Variants in FPGT observed in about 807,000 individuals in gnomAD.
FPGT encodes the protein fucose-1-phosphate guanylyltransferase, also known as GDP-L-fucose diphosphorylase.
In FPGT, 41 loss-of-function variants were observed where a neutral mutation model predicts 45.8. That is an observed-to-expected ratio of 0.90 (90% CI 0.70 to 1.16). FPGT has a LOEUF of 1.16. Ranked by LOEUF, FPGT falls within the 50% of genes most tolerant of loss-of-function variation. FPGT has a pLI of 0.00. For synonymous variants in FPGT, 292 were observed against 247.2 expected (o/e 1.18, Z -1.70); for missense variants, 755 against 689.1 (o/e 1.10, Z -1.07).
At chr1:74,200,385 T>C (rs1243462530) in intron 2 of FPGT, among the ~76,000 whole-genome samples, 2 of 152,158 alleles carry the variant, frequency 1.3e-5, no homozygotes, top group Admixed American at 6.5e-5. Context: ...TGAAGCCCCC[T>C]GATACCAGAG....
At position 74,199,664 on chromosome 1, in the gene FPGT, G is replaced by A; in HGVS notation, c.83G>A (p.Gly28Asp). 6.2e-7 allele frequency: 1 copy of A among 1,602,074 alleles called. No homozygotes were observed. The highest frequency in any genetic ancestry group is 1.7e-5 in the Admixed American group (1 of 57,192). ...RKLRRFSELR[G>D]KLVARGEFWD... ...TCATTTCCTTGCTTTTTCCAAATAG[G>A]CAAACTTGTAGCACGTGGAGAATTC... The change falls in exon 2 of 4, where the codon GGC becomes GAC. Residue 28 changes from glycine (G) to aspartate (D), a missense_variant and splice_region_variant. Gly to Asp is a moderately conservative substitution (Grantham distance 94, BLOSUM62 -1). Transcript: ENST00000370898.
Position 74,198,273 on chromosome 1 carries a change from G to A in FPGT, c.-6G>A. On this transcript the variant is annotated 5_prime_UTR_variant, in exon 1 of 4. Coordinates refer to ENST00000370898, the MANE Select transcript of FPGT (RefSeq NM_003838.5). The stretch of plus-strand genomic sequence containing the variant: ...TGTGCGGCGCGGTCTCAGGGAAGGT[G>A]GGGCTATGGCAGCTGCTAGGGACCC... 1.2e-6 allele frequency: 2 copies of A among 1,613,674 alleles called. No homozygotes were observed. Among genetic ancestry groups the A allele is most frequent in the Non-Finnish European group, 8.5e-7 (1 of 1,179,788 alleles).
chr1:74,198,808 T>C (rs1189067148), intron 1 of FPGT, among the ~76,000 whole-genome samples: 3 of 125,262 alleles, frequency 2.4e-5, no homozygotes, highest in East Asian at 7.6e-4. Context: ...GGAGGAATTA[T>C]GGATTAAAAA....
At chr1:74,203,438 G>C (rs1433043115) in intron 3 of FPGT, among the ~76,000 whole-genome samples, 2 of 151,622 alleles carry the variant, frequency 1.3e-5, no homozygotes, top group African/African-American at 4.9e-5. Context: ...GCCCAGGCTG[G>C]AGTGCAGTGG....
In FPGT at chr1:74,208,179, G is replaced by A. The variant is rs141714515; in HGVS notation, c.*2347G>A. Among the ~76,000 whole-genome samples the A allele has an allele frequency of 3.1e-3, 468 of 150,576 alleles. 2 individuals are homozygous for A. Among genetic ancestry groups the A allele is most frequent in the African/African-American group, 0.011 (459 of 40,996 alleles). On this transcript the variant is annotated 3_prime_UTR_variant, in exon 4 of 4. Transcript: ENST00000370898. ...TGTCGAAATGTGGATAAAAAAAGAT[G>A]AATTAGGAATGATTCTAACCTAAGT...
intron 1 of FPGT, among the ~76,000 whole-genome samples, chr1:74,198,727 C>G (rs1262118935): frequency 5.3e-5 from 8 of 152,168 alleles, no homozygotes; most frequent in Non-Finnish European, 1.2e-4. Context: ...AGCCCCCTAT[C>G]TACTTCACGC....
At position 74,205,765 on chromosome 1, in the gene FPGT, T is replaced by C. The variant is rs1217496189; in HGVS notation, c.1718T>C (p.Val573Ala). The stretch of plus-strand genomic sequence containing the variant: ...GAAGAAATGCTTATCTACAAAGATG[T>C]AGAAGATATGATAACTTACAGGGAA... ...SIEEMLIYKD[V>A]EDMITYREQI... Residue 573 changes from valine (V) to alanine (A), a missense_variant, in exon 4 of 4, where the codon GTA (valine) becomes GCA (alanine). By Grantham distance (64) the Val-to-Ala change is moderately conservative. Transcript: ENST00000370898. The C allele has an allele frequency of 1.3e-6, 2 of 1,593,836 alleles. No individual in the cohort carries two copies. Among genetic ancestry groups the C allele is most frequent in the Non-Finnish European group, 1.7e-6 (2 of 1,162,070 alleles).
intron 3 of FPGT, among the ~76,000 whole-genome samples, chr1:74,201,902 C>G (rs1651838572): frequency 6.6e-6 from 1 of 152,150 alleles, no homozygotes; most frequent in Non-Finnish European, 1.5e-5. Flanking sequence ...CACTCTTTCT[C>G]CCTTAATGGG....
chr1:74,203,794 C>T (rs1652023115), intron 3 of FPGT, among the ~76,000 whole-genome samples: 1 of 151,918 alleles, frequency 6.6e-6, no homozygotes, highest in Non-Finnish European at 1.5e-5. Flanking sequence ...GTAATCCCAG[C>T]ACTTTGGGAG....
In FPGT at chr1:74,205,323, C is replaced by G. The variant is rs1482457310; in HGVS notation, c.1276C>G (p.Pro426Ala). Residue 426 changes from proline (P) to alanine (A), a missense_variant, in exon 4 of 4, where the codon CCT (proline) becomes GCT (alanine). Physicochemically the swap from Pro to Ala is conservative, Grantham distance 27. Transcript: ENST00000370898. ...AGTTGTGGAGTATTCCAGATTGGGG[C>G]CTGATGTTTCAGTTGGGGAAAACTG... ...GSVVEYSRLG[P>A]DVSVGENCII... 5.0e-6 allele frequency: 8 copies of G among 1,613,918 alleles called. No homozygotes were observed. Among genetic ancestry groups the G allele is most frequent in the Non-Finnish European group, 6.8e-6 (8 of 1,179,978 alleles).
In FPGT at chr1:74,205,035, T is replaced by C; in HGVS notation, c.988T>C (p.Leu330=). ...AAATGTCATTAAAGAAGAGTCAGAG[T>C]TGGTAGAAATGAGGCAGAGAATATT... is the stretch of plus-strand genomic sequence containing the variant. ...TSNVIKEESE[L]VEMRQRIFHL... Residue 330 remains leucine (L), a synonymous_variant, in exon 4 of 4, where the codon TTG becomes CTG. Coordinates refer to ENST00000370898, the MANE Select transcript of FPGT (RefSeq NM_003838.5). 1 of 1,613,476 alleles carries C rather than the reference T, an allele frequency of 6.2e-7. No homozygotes were observed. The highest frequency in any genetic ancestry group is 8.5e-7 in the Non-Finnish European group (1 of 1,179,696).
intron 3 of FPGT, among the ~76,000 whole-genome samples, chr1:74,202,485 A>C (rs1651886518): frequency 6.6e-6 from 1 of 152,210 alleles, no homozygotes; most frequent in Non-Finnish European, 1.5e-5. Context: ...ATTAGATACC[A>C]GGAAATGCAT....
intron 3 of FPGT, among the ~76,000 whole-genome samples, chr1:74,203,581 T>C (rs1570316110): frequency 6.6e-6 from 1 of 151,776 alleles, no homozygotes; most frequent in East Asian, 2.0e-4. Context: ...TTAGTAGAGA[T>C]GGGGTTTCAC....
At chr1:74,202,882 C>T (rs2100772834) in intron 3 of FPGT, among the ~76,000 whole-genome samples, 2 of 152,242 alleles carry the variant, frequency 1.3e-5, no homozygotes, top group East Asian at 1.9e-4. Context: ...CTTAGGCCTA[C>T]ACTGGGTCAG....
Position 74,206,187 on chromosome 1 carries a change from C to T in FPGT, c.*355C>T, listed in dbSNP as rs1245102071. ...TTGGTCCAGTGAAGTTCTAAGTATTCACTGGCACTTCTCTCCTCAACTGTA... is the reference window on the plus strand; with the variant it reads ...TTGGTCCAGTGAAGTTCTAAGTATTTACTGGCACTTCTCTCCTCAACTGTA... On this transcript the variant is annotated 3_prime_UTR_variant, in exon 4 of 4. Transcript: ENST00000370898. The T allele has an allele frequency of 5.9e-6, 1 of 170,546 alleles. No individual in the cohort carries two copies. The highest frequency in any genetic ancestry group is 1.2e-5 in the Non-Finnish European group (1 of 80,990). The allele number at this position is 170,546 out of a possible 1,614,324, so 10.6% of individuals were successfully genotyped here. A position where few individuals can be genotyped will look rare whatever the true frequency, so the allele number is the denominator to read the frequency against.
chr1:74,205,676 G>T lies in FPGT; in HGVS notation c.1629G>T (p.Lys543Asn), dbSNP rs1247309428. 1 of 1,612,556 alleles carries T rather than the reference G, an allele frequency of 6.2e-7. No individual in the cohort carries two copies. Among genetic ancestry groups the T allele is most frequent in the Admixed American group, 1.7e-5 (1 of 60,004 alleles). ...GTGACTCAGTTATAACATCCCTAAAGATGTTAAATGCTGTTAAGAACAAGT... is the reference window on the plus strand; with the variant it reads ...GTGACTCAGTTATAACATCCCTAAATATGTTAAATGCTGTTAAGAACAAGT... ...SLSDSVITSLKMLNAVKNKSA... is the reference protein window; with the variant it reads ...SLSDSVITSLNMLNAVKNKSA... Residue 543 changes from lysine to asparagine, a missense_variant, in exon 4 of 4, where the codon AAG becomes AAT. Transcript: ENST00000370898.
At position 74,208,471 on chromosome 1, in the gene FPGT, T is replaced by G. The variant is rs1652457999; in HGVS notation, c.*2639T>G. On this transcript the variant is annotated 3_prime_UTR_variant, in exon 4 of 4. Coordinates refer to ENST00000370898, the MANE Select transcript of FPGT (RefSeq NM_003838.5). ...AACATTTTGTCTCATTTTATAATTT[T>G]TATTTTTATGAAATCATGGCACTTA... Among the ~76,000 whole-genome samples, 1 of 152,100 alleles carries G rather than the reference T, an allele frequency of 6.6e-6. No individual in the cohort carries two copies. Among genetic ancestry groups the G allele is most frequent in the Non-Finnish European group, 1.5e-5 (1 of 67,970 alleles).
chr1:74,199,873 A>G, intron 2 of FPGT, 42 bp downstream of exon 2: 6 of 1,578,098 alleles, frequency 3.8e-6, no homozygotes, highest in Non-Finnish European at 5.2e-6. Flanking sequence ...GGTCCTAAGC[A>G]GAATAATCAT....
Position 74,201,364 on chromosome 1 carries a change from A to G in FPGT, c.297A>G (p.Leu99=), listed in dbSNP as rs200738317. The G allele has an allele frequency of 6.4e-5, 103 of 1,611,932 alleles. No homozygotes were observed. The highest frequency in any genetic ancestry group is 7.9e-5 in the Non-Finnish European group (93 of 1,179,194). ...GTGCCCTTCAATGTTTGGAAAAGCT[A>G]TATGGAGATAAATGGAATTCTTTTA... ...TLCALQCLEK[L]YGDKWNSFTI... is the part of the protein sequence containing the mutation. The change falls in exon 3 of 4, where the codon CTA becomes CTG. Residue 99 remains leucine (L), a synonymous_variant. Coordinates refer to ENST00000370898, the MANE Select transcript of FPGT (RefSeq NM_003838.5).
Sources: allele counts gnomAD v4.1 joint callset (sites outside exome capture counted in the v4.1 genomes callset), GRCh38; gene constraint gnomAD v4.1.1; transcripts MANE v1.5; gene names NCBI Gene and HGNC (gene_info 2026-07-23, HGNC 2026-07-21).